Variants in CA3 observed in about 807,000 individuals in gnomAD.
CA3 encodes the protein CA-III.
In CA3, 30 loss-of-function variants were observed where a neutral mutation model predicts 35.7. The observed-to-expected ratio is 0.84, with a 90% confidence interval of 0.63 to 1.14. CA3 has a LOEUF of 1.14. Among genes scored for constraint, CA3 ranks in the 50% most tolerant of loss-of-function variants. The pLI is 0.00. For synonymous variants in CA3, 131 were observed against 130.8 expected, an observed-to-expected ratio of 1.00 and a Z score of -0.01; for missense variants, 295 against 328.5, an observed-to-expected ratio of 0.90 and a Z score of 0.79.
Position 85,439,899 on chromosome 8 carries a change from T to C in CA3, c.222T>C (p.Tyr74=), listed in dbSNP as rs1427583393. ...KTCRVVFDDT[Y]DRSMLRGGPL... ...GCCGAGTTGTATTTGATGATACTTATGATAGGTCAAGTAAGTATGACAATG... is the reference window on the plus strand; with the variant it reads ...GCCGAGTTGTATTTGATGATACTTACGATAGGTCAAGTAAGTATGACAATG... Residue 74 remains tyrosine (Y), a synonymous_variant, in exon 2 of 7, where the codon TAT becomes TAC. Coordinates refer to ENST00000285381, the MANE Select transcript of CA3 (RefSeq NM_005181.4). 2 of 1,610,642 alleles carry C rather than the reference T, an allele frequency of 1.2e-6. No homozygotes were observed. The highest frequency in any genetic ancestry group is 2.2e-5 in the East Asian group (1 of 44,876).
intron 2 of CA3, 85 bp from the exon 3 acceptor site, chr8:85,441,988 C>A: frequency 2.5e-6 from 2 of 793,510 alleles, no homozygotes; most frequent in Non-Finnish European, 2.3e-6. Flanking sequence ...GTCCATTAAG[C>A]CTTGGCTCTA....
intron 6 of CA3, 39 bp from the exon 7 acceptor site, chr8:85,447,995 C>G: frequency 6.3e-7 from 1 of 1,588,498 alleles, no homozygotes; most frequent in Non-Finnish European, 8.6e-7. Flanking sequence ...TCCAGTTGAT[C>G]CGAATGTCTT....
At chr8:85,445,474 G>A (rs2130507977) in intron 5 of CA3, among the ~76,000 whole-genome samples, 1 of 151,706 alleles carries the variant, frequency 6.6e-6, no homozygotes, top group South Asian at 2.1e-4. Flanking sequence ...GAGAGTCAGA[G>A]AAGTTGAGTG....
chr8:85,447,792 G>A (rs147576513), intron 6 of CA3, among the ~76,000 whole-genome samples: 2,331 of 152,184 alleles, frequency 0.015, 70 homozygotes, highest in African/African-American at 0.053. Context: ...CCAGCTATTC[G>A]GGAGGCTGAG....
chr8:85,445,143 T>G lies in CA3; in HGVS notation c.445-13T>G. 1 of 1,577,558 alleles carries G rather than the reference T, an allele frequency of 6.3e-7. No homozygotes were observed. The highest frequency in any genetic ancestry group is 8.7e-7 in the Non-Finnish European group (1 of 1,153,940). ...AGTAAAAGAACTATACTTGGATTTC[T>G]GTTTTCTTACAGATAGGACATGAGA... On this transcript the variant is annotated splice_polypyrimidine_tract_variant and intron_variant, in intron 4 of 6. Transcript: ENST00000285381.
intron 3 of CA3, chr8:85,442,416 T>C: frequency 2.1e-6 from 1 of 467,120 alleles, no homozygotes; most frequent in South Asian, 2.5e-5. Context: ...TTTCCAAGGT[T>C]ATGTTAAGAA....
intron 5 of CA3, among the ~76,000 whole-genome samples, chr8:85,445,571 G>A (rs576908953): frequency 2.0e-5 from 3 of 151,176 alleles, no homozygotes; most frequent in Admixed American, 1.3e-4. Flanking sequence ...ATACCATCAC[G>A]GAGCTACTAA....
chr8:85,446,054 A>G (rs1811284324), intron 5 of CA3, 88 bp from the exon 6 acceptor site: 4 of 1,183,576 alleles, frequency 3.4e-6, no homozygotes, highest in Non-Finnish European at 3.5e-6. Flanking sequence ...TTTGAAATTC[A>G]TTCTTACAAA....
chr8:85,446,144 C>T lies in CA3; in HGVS notation c.510C>T (p.Gly170=), dbSNP rs758242013. Residue 170 remains glycine, a splice_region_variant and synonymous_variant, in exon 6 of 7, where the codon GGC becomes GGT. Coordinates refer to ENST00000285381, the MANE Select transcript of CA3 (RefSeq NM_005181.4). ...LDALDKIKTK[G]KEAPFTKFDP... ...ACCTGCAACCTGCTCTTACCCAGGG[C>T]AAGGAGGCGCCCTTCACAAAGTTTG... 8.7e-6 allele frequency: 14 copies of T among 1,605,744 alleles called. No individual in the cohort carries two copies. In the Admixed American group the frequency reaches 2.4e-4, roughly 27 times the overall value.
chr8:85,443,984 AT>A, intron 3 of CA3, 49 bp from the exon 4 acceptor site: 1 of 1,219,618 alleles, frequency 8.2e-7, no homozygotes, highest in Non-Finnish European at 1.2e-6. Flanking sequence ...TGTTGTACTT[AT>A]TTCCATATTC....
chr8:85,446,877 A>G (rs561620176), intron 6 of CA3, among the ~76,000 whole-genome samples: 2 of 152,294 alleles, frequency 1.3e-5, no homozygotes, highest in South Asian at 4.1e-4. Flanking sequence ...GTGTCCTGGT[A>G]ACATTCATTA....
intron 6 of CA3, among the ~76,000 whole-genome samples, chr8:85,447,692 G>A (rs1811310726): frequency 6.6e-6 from 1 of 152,192 alleles, no homozygotes; most frequent in African/African-American, 2.4e-5. Context: ...GAGGTCAGGA[G>A]TTCGAGACCA....
chr8:85,442,698 G>A (rs1035495278), intron 3 of CA3, among the ~76,000 whole-genome samples: 10 of 152,138 alleles, frequency 6.6e-5, no homozygotes, highest in African/African-American at 2.2e-4. Flanking sequence ...GAGCAACAGA[G>A]TAAGACCCTG....
chr8:85,444,534 C>T (rs1236644732), intron 4 of CA3, among the ~76,000 whole-genome samples: 1 of 152,186 alleles, frequency 6.6e-6, no homozygotes, highest in Non-Finnish European at 1.5e-5. Context: ...TTCCAAGTCC[C>T]TGGCTGGACA....
At chr8:85,446,736 A>C (rs933471314) in intron 6 of CA3, among the ~76,000 whole-genome samples, 2 of 152,250 alleles carry the variant, frequency 1.3e-5, no homozygotes, top group Non-Finnish European at 2.9e-5. Context: ...ACATAATTCA[A>C]GGCTCAAAAG....
intron 6 of CA3, among the ~76,000 whole-genome samples, chr8:85,447,459 A>G (rs998766575): frequency 5.3e-5 from 8 of 152,364 alleles, no homozygotes; most frequent in Admixed American, 5.2e-4. Context: ...AAAGGTTGTG[A>G]CCAGAGGGCA....
intron 3 of CA3, among the ~76,000 whole-genome samples, chr8:85,442,810 T>C (rs1422386106): frequency 6.6e-6 from 1 of 152,210 alleles, no homozygotes; most frequent in Non-Finnish European, 1.5e-5. Context: ...CTAATACTTA[T>C]TAAATGCTTA....
chr8:85,446,289 T>C lies in CA3; in HGVS notation c.655T>C (p.Ser219Pro), dbSNP rs748169590. The C allele has an allele frequency of 6.2e-7, 1 of 1,613,294 alleles. No individual in the cohort carries two copies. Residue 219 changes from serine to proline, a missense_variant, in exon 6 of 7, where the codon TCT (serine) becomes CCT (proline). Physicochemically the swap from Ser to Pro is moderately conservative, Grantham distance 74 (BLOSUM62 -1). Transcript: ENST00000285381. Reference protein sequence around the residue: ...LLLKEPMTVSSDQMAKLRSLL... With the variant: ...LLLKEPMTVSPDQMAKLRSLL... ...GCTGAAGGAGCCCATGACCGTGAGC[T>C]CTGACCAGGTGAGCAGCCTTGTGAA...
In CA3 at chr8:85,448,144, CT is replaced by C. The variant is rs1183775032; in HGVS notation, c.776del (p.Phe259SerfsTer42). On this transcript the variant is annotated frameshift_variant, in exon 7 of 7. Coordinates refer to ENST00000285381, the MANE Select transcript of CA3 (RefSeq NM_005181.4). LOFTEE classifies it high-confidence loss of function. ...TCAATAACAGGGTGGTGAGAGCTTC[CT>C]TCAAATGAGGCTGCTGGATCTTGCC... is the stretch of plus-strand genomic sequence containing the variant. ...PINNRVVRAS[F>X]K 1 of 1,612,260 alleles carries C rather than the reference CT, an allele frequency of 6.2e-7. No homozygotes were observed. The highest frequency in any genetic ancestry group is 8.5e-7 in the Non-Finnish European group (1 of 1,179,232).
Sources: gnomAD v4.1 joint callset for allele counts (sites outside exome capture counted in the v4.1 genomes callset) on GRCh38, gnomAD v4.1.1 for gene constraint, MANE v1.5 for transcripts, NCBI Gene and HGNC (gene_info 2026-07-23, HGNC 2026-07-21) for gene names.